The following IQGAP2 variants were observed in gnomAD, a reference collection of about 807,000 sequenced individuals.
IQGAP2 encodes ras GTPase-activating-like protein IQGAP2.
In IQGAP2, 173 loss-of-function variants were observed where a neutral mutation model predicts 201.3. The observed-to-expected ratio is 0.86, with a 90% CI of 0.76 to 0.98. The LOEUF (loss-of-function observed/expected upper bound fraction) is 0.98. Ranked by LOEUF, IQGAP2 falls within the 50% of genes least tolerant of loss-of-function variation. The pLI is 0.00. For synonymous variants in IQGAP2, 675 were observed against 673.9 expected (o/e 1.00, Z -0.03); for missense variants, 1,687 against 1,864.8 (o/e 0.90, Z 1.76).
At chr5:76,503,661 G>A (rs1022725711) in intron 2 of IQGAP2, among the ~76,000 whole-genome samples, 2 of 150,956 alleles carry the variant, frequency 1.3e-5, no homozygotes, top group Non-Finnish European at 1.5e-5. Context: ...GCATGATCTC[G>A]GCTCACTGCA....
chr5:76,599,531 T>G (rs1478976430), intron 10 of IQGAP2, among the ~76,000 whole-genome samples: 1 of 152,178 alleles, frequency 6.6e-6, no homozygotes, highest in Non-Finnish European at 1.5e-5. Flanking sequence ...TATAAACGAT[T>G]CCATTCTGCT....
In IQGAP2 at chr5:76,637,088, A is replaced by G. The variant is rs558289660; in HGVS notation, c.1835A>G (p.Tyr612Cys). Residue 612 changes from tyrosine (Y) to cysteine (C), a missense_variant, in exon 16 of 36, where the codon TAT (tyrosine) becomes TGT (cysteine). Coordinates refer to ENST00000274364, the MANE Select transcript of IQGAP2 (RefSeq NM_006633.5). Reference protein sequence around the residue: ...KLNLHKKYDYYYNTDSKESSW... With the variant: ...KLNLHKKYDYCYNTDSKESSW... Reference sequence around the variant, plus strand: ...AACCTGCACAAAAAATATGACTACTATTACAACACTGATTCAAAAGAGAGT... The same window carrying G: ...AACCTGCACAAAAAATATGACTACTGTTACAACACTGATTCAAAAGAGAGT... 4 of 1,611,740 alleles carry G rather than the reference A, an allele frequency of 2.5e-6. No homozygotes were observed. The highest frequency in any genetic ancestry group is 2.5e-6 in the Non-Finnish European group (3 of 1,178,172).
intron 2 of IQGAP2, among the ~76,000 whole-genome samples, chr5:76,533,542 T>A (rs58791070): frequency 1.9e-4 from 29 of 151,076 alleles, no homozygotes; most frequent in Admixed American, 6.6e-4. Flanking sequence ...ATATATATAT[T>A]TTTTTATTTT....
chr5:76,442,841 G>A (rs1421234047), intron 1 of IQGAP2, among the ~76,000 whole-genome samples: 3 of 152,142 alleles, frequency 2.0e-5, no homozygotes, highest in Non-Finnish European at 4.4e-5. Flanking sequence ...ACAAAAATTA[G>A]CCAGGCATGG....
intron 1 of IQGAP2, among the ~76,000 whole-genome samples, chr5:76,409,611 A>G (rs573408059): frequency 4.6e-5 from 7 of 152,194 alleles, no homozygotes; most frequent in Non-Finnish European, 8.8e-5. Context: ...ACTTAGAAAC[A>G]TCCCATCTCT....
At chr5:76,617,964 A>C in intron 13 of IQGAP2, 1 of 1,614,182 alleles carries the variant, frequency 6.2e-7, no homozygotes, top group Non-Finnish European at 8.5e-7. Flanking sequence ...AGTGTTGTGA[A>C]CATCATGGCA....
intron 2 of IQGAP2, among the ~76,000 whole-genome samples, chr5:76,487,547 T>A (rs906044611): frequency 2.6e-5 from 4 of 152,218 alleles, no homozygotes; most frequent in Non-Finnish European, 4.4e-5. Context: ...AGTTTGTAGA[T>A]GTTGCAAAGT....
chr5:76,544,002 C>T (rs1463620771), intron 2 of IQGAP2, among the ~76,000 whole-genome samples: 1 of 152,168 alleles, frequency 6.6e-6, no homozygotes, highest in Non-Finnish European at 1.5e-5. Flanking sequence ...GCAAGTCTTT[C>T]TGAGTGAGAA....
At chr5:76,627,350 T>C in intron 13 of IQGAP2, 60 bp from the exon 14 acceptor site, 1 of 1,096,246 alleles carries the variant, frequency 9.1e-7, no homozygotes, top group Non-Finnish European at 1.4e-6. Flanking sequence ...AAAGCAGTTA[T>C]TAATTCTGTT....
At chr5:76,639,545 G>A (rs1364698895) in intron 16 of IQGAP2, among the ~76,000 whole-genome samples, 3 of 152,172 alleles carry the variant, frequency 2.0e-5, no homozygotes, top group Non-Finnish European at 4.4e-5. Flanking sequence ...GAAACCTGCT[G>A]ATAATGGATC....
intron 2 of IQGAP2, among the ~76,000 whole-genome samples, chr5:76,463,972 C>G (rs1754634570): frequency 1.3e-5 from 2 of 151,790 alleles, no homozygotes; most frequent in Non-Finnish European, 2.9e-5. Context: ...CTCAGCCTCC[C>G]AAGCAGCTGA....
In IQGAP2 at chr5:76,403,516, GC is replaced by G. The variant is rs1329018398; in HGVS notation, c.-26del. Reference sequence around the variant, plus strand: ...CAGCGAGGGTAGCCGCGGGGGGCGCGCCCCGGGCGGGCCCCCGGAGACGCGC... The same window carrying G: ...CAGCGAGGGTAGCCGCGGGGGGCGCGCCCGGGCGGGCCCCCGGAGACGCGC... On this transcript the variant is annotated 5_prime_UTR_variant, in exon 1 of 36. Coordinates refer to ENST00000274364, the MANE Select transcript of IQGAP2 (RefSeq NM_006633.5). This position sits in a 1 kb window ranked among gnomAD's most constrained non-coding sequence, Gnocchi z 4.8. 1 of 1,459,288 alleles carries G rather than the reference GC, an allele frequency of 6.9e-7. No individual in the cohort carries two copies. Among genetic ancestry groups the G allele is most frequent in the South Asian group, 1.3e-5 (1 of 75,222 alleles). 90.4% of individuals were successfully genotyped at this position (1,459,288 alleles called of 1,614,324 possible).
chr5:76,579,471 T>G (rs2150288442), intron 5 of IQGAP2, among the ~76,000 whole-genome samples: 1 of 151,892 alleles, frequency 6.6e-6, no homozygotes, highest in South Asian at 2.1e-4. Context: ...AGACCGCATT[T>G]AAGTACCCGG....
chr5:76,409,179 T>G (rs985262935), intron 1 of IQGAP2, among the ~76,000 whole-genome samples: 2 of 151,126 alleles, frequency 1.3e-5, no homozygotes, highest in African/African-American at 2.4e-5. Flanking sequence ...TATAAATAGA[T>G]GCATAAAGTT....
intron 2 of IQGAP2, among the ~76,000 whole-genome samples, chr5:76,484,480 T>C (rs1441148653): frequency 6.6e-6 from 1 of 152,128 alleles, no homozygotes; most frequent in Admixed American, 6.5e-5. Flanking sequence ...TTTTTAAGTG[T>C]CAGAATGTTG....
intron 17 of IQGAP2, among the ~76,000 whole-genome samples, chr5:76,644,794 CAG>C (rs1469353782): frequency 2.0e-5 from 3 of 152,096 alleles, no homozygotes; most frequent in African/African-American, 4.8e-5. Context: ...AAAAGAAAAA[CAG>C]AATTTTGGCA....
chr5:76,659,514 A>G (rs1743068439), intron 21 of IQGAP2, among the ~76,000 whole-genome samples: 1 of 152,152 alleles, frequency 6.6e-6, no homozygotes, highest in Non-Finnish European at 1.5e-5. Flanking sequence ...TGTAGTCTCC[A>G]CCCAATTTAC....
At chr5:76,642,384 C>G (rs1026855371) in intron 17 of IQGAP2, among the ~76,000 whole-genome samples, 1 of 152,056 alleles carries the variant, frequency 6.6e-6, no homozygotes, top group East Asian at 1.9e-4. Flanking sequence ...TCATTTGGAG[C>G]CTTTTTCCTC....
intron 2 of IQGAP2, among the ~76,000 whole-genome samples, chr5:76,520,187 T>C (rs1758582756): frequency 6.6e-6 from 1 of 152,086 alleles, no homozygotes; most frequent in East Asian, 1.9e-4. Context: ...TCTGTAACAA[T>C]TTCGGGTTAA....
Sources: gnomAD v4.1 joint callset for allele counts (sites outside exome capture counted in the v4.1 genomes callset) on GRCh38, gnomAD v4.1.1 for gene constraint, Gnocchi (gnomAD v3.1) non-coding constraint, MANE v1.5 for transcripts, NCBI Gene and HGNC (gene_info 2026-07-23, HGNC 2026-07-21) for gene names.